NOTCH4: variants seen among roughly 807,000 people sequenced by gnomAD.
The protein encoded by NOTCH4 is neurogenic locus notch homolog protein 4.
NOTCH4 carries 138 observed loss-of-function variants against 189.0 expected under a neutral mutation model. The ratio of observed to expected loss-of-function variants is 0.73; its 90% CI spans 0.64 to 0.84. The LOEUF is 0.84. NOTCH4 is among the 40% of genes least tolerant of loss of function. The probability of loss-of-function intolerance (pLI) is 0.00; values close to 1 mark genes in which losing one functional copy is unlikely to be tolerated. For synonymous variants in NOTCH4, 942 were observed against 1,032.8 expected (o/e 0.91, Z 1.69); for missense variants, 2,286 against 2,605.4 (o/e 0.88, Z 2.67).
Position 32,210,985 on chromosome 6 carries a change from G to A in NOTCH4, c.2681-49C>T, listed in dbSNP as rs1201053798. 1 of 1,515,446 alleles carries A rather than the reference G, an allele frequency of 6.6e-7. No individual in the cohort carries two copies. The highest frequency in any genetic ancestry group is 1.4e-5 in the African/African-American group (1 of 72,080). 93.9% of individuals were successfully genotyped at this position (1,515,446 alleles called of 1,614,324 possible). A position where few individuals can be genotyped will look rare whatever the true frequency, so the allele number is the denominator to read the frequency against. On this transcript the variant is annotated intron_variant, in intron 17 of 29. Coordinates refer to ENST00000375023, the MANE Select transcript of NOTCH4 (RefSeq NM_004557.4). This position sits in a 1 kb window ranked among gnomAD's most constrained non-coding sequence, Gnocchi z 4.8. The stretch of plus-strand genomic sequence containing the variant: ...TATACAAAGATAAGTGGGGGGCCGG[G>A]CGCCATGGCTTACGCCTGTAATCCC...
In NOTCH4 at chr6:32,221,695, C is replaced by T. The variant is rs1156275920; in HGVS notation, c.452-370G>A. ...GTATACCCTTGGGTGAGCCACTTTG[C>T]CTTTCTGATCCTCATTTCCTAATCT... On this transcript the variant is annotated intron_variant, in intron 3 of 29. Coordinates refer to ENST00000375023, the MANE Select transcript of NOTCH4 (RefSeq NM_004557.4). The surrounding 1 kb of genome is among the most constrained non-coding windows in gnomAD (Gnocchi z 4.3). Among the ~76,000 whole-genome samples, 7 of 152,114 alleles carry T rather than the reference C, an allele frequency of 4.6e-5. No homozygotes were observed. Among genetic ancestry groups the T allele is most frequent in the African/African-American group, 1.7e-4 (7 of 41,398 alleles).
chr6:32,217,378 A>T lies in NOTCH4; in HGVS notation c.1625-112T>A. 1.5e-6 allele frequency: 1 copy of T among 687,306 alleles called. No individual in the cohort carries two copies. The highest frequency in any genetic ancestry group is 2.7e-5 in the East Asian group (1 of 37,028). 42.6% of individuals were successfully genotyped at this position (687,306 alleles called of 1,614,324 possible). On this transcript the variant is annotated intron_variant, in intron 9 of 29. Transcript: ENST00000375023. The surrounding 1 kb of genome is among the most constrained non-coding windows in gnomAD (Gnocchi z 4.2). ...ACTTGCAGAGCTTCCCAGAGAAGAC[A>T]CCTGGGGCAGGTGAGCGTGGGGTGA...
intron 13 of NOTCH4, 113 bp downstream of exon 13, chr6:32,213,997 G>A: frequency 7.0e-7 from 1 of 1,430,776 alleles, no homozygotes; most frequent in African/African-American, 1.4e-5. Flanking sequence ...CGTGTCCCCT[G>A]CAGTCCAGTT....
rs766007078 is a variant in NOTCH4, at chr6:32,223,907, GC to G, written c.21del (p.Leu8CysfsTer35). On this transcript the variant is annotated frameshift_variant, in exon 1 of 30. Transcript: ENST00000375023. LOFTEE classifies it high-confidence loss of function. ...AGCAGCAGCAGCAGCAGCAGCAGCA[GC>G]AGCAGTGAAGGGGGCTGCATTCCAC... is the stretch of plus-strand genomic sequence containing the variant. MQPPSL[L>X]LLLLLLLLLC... The G allele has an allele frequency of 6.2e-7, 1 of 1,604,082 alleles. No homozygotes were observed. Among genetic ancestry groups the G allele is most frequent in the Non-Finnish European group, 8.5e-7 (1 of 1,178,502 alleles).
chr6:32,201,485 C>T lies in NOTCH4; in HGVS notation c.3771G>A (p.Gln1257=), dbSNP rs2127466154. The change falls in exon 22 of 30, where the codon CAG becomes CAA. Residue 1257 remains glutamine (Q), a synonymous_variant. Coordinates refer to ENST00000375023, the MANE Select transcript of NOTCH4 (RefSeq NM_004557.4). This position sits in a 1 kb window ranked among gnomAD's most constrained non-coding sequence, Gnocchi z 5.5. ...TPPACTPAYD[Q]YCHDHFHNGH... ...CGTTGTGGAAGTGATCATGGCAGTACTGGTCATAGGCTGGACTGTGGGGTA... is the reference window on the plus strand; with the variant it reads ...CGTTGTGGAAGTGATCATGGCAGTATTGGTCATAGGCTGGACTGTGGGGTA... 1 of 1,512,780 alleles carries T rather than the reference C, an allele frequency of 6.6e-7. No homozygotes were observed. The highest frequency in any genetic ancestry group is 1.3e-5 in the South Asian group (1 of 74,570). 93.7% of individuals were successfully genotyped at this position (1,512,780 alleles called of 1,614,324 possible). A position where few individuals can be genotyped will look rare whatever the true frequency, so the allele number is the denominator to read the frequency against.
At position 32,221,339 on chromosome 6, in the gene NOTCH4, C is replaced by T. The variant is rs1561948886; in HGVS notation, c.452-14G>A. The T allele has an allele frequency of 1.3e-6, 2 of 1,598,878 alleles. No homozygotes were observed. The highest frequency in any genetic ancestry group is 1.7e-6 in the Non-Finnish European group (2 of 1,170,308). ...GGCACTGCTCACCTGAGGCAGAGGA[C>T]AGAGGGAGCCGTTTCTAGCATTGTA... is the stretch of plus-strand genomic sequence containing the variant. On this transcript the variant is annotated splice_polypyrimidine_tract_variant and intron_variant, in intron 3 of 29. Transcript: ENST00000375023. This position sits in a 1 kb window ranked among gnomAD's most constrained non-coding sequence, Gnocchi z 4.3.
At chr6:32,213,029 A>G in intron 15 of NOTCH4, 106 bp downstream of exon 15, 1 of 1,245,974 alleles carries the variant, frequency 8.0e-7, no homozygotes, top group South Asian at 1.3e-5. Flanking sequence ...GGAAGGCGGA[A>G]CGAGGTGTGG....
At chr6:32,219,388 T>C (rs1261870247) in intron 8 of NOTCH4, among the ~76,000 whole-genome samples, 2 of 152,158 alleles carry the variant, frequency 1.3e-5, no homozygotes, top group Admixed American at 1.3e-4. Context: ...AGTTGAGGAA[T>C]GCATAACCTC....
Position 32,223,814 on chromosome 6 carries a change from A to G in NOTCH4, c.73+42T>C, listed in dbSNP as rs747890561. ...CCCCCACCCCACTGATCATCCTCCT[A>G]AGGGAGCTGGGTCCCCTCACCTCAC... is the stretch of plus-strand genomic sequence containing the variant. On this transcript the variant is annotated intron_variant, in intron 1 of 29. Transcript: ENST00000375023. 4 of 1,586,578 alleles carry G rather than the reference A, an allele frequency of 2.5e-6. No individual in the cohort carries two copies. In the African/African-American group the frequency reaches 5.4e-5, roughly 22 times the overall value.
chr6:32,223,968 T>G lies in NOTCH4; in HGVS notation c.-40A>C, dbSNP rs929023884. On this transcript the variant is annotated 5_prime_UTR_variant, in exon 1 of 30. Transcript: ENST00000375023. Reference sequence around the variant, plus strand: ...TCCAAGCCCCGGTCCCTGTCCCTCTTCAGGCAGGGACCCTCAGAGCTCTCA... The same window carrying G: ...TCCAAGCCCCGGTCCCTGTCCCTCTGCAGGCAGGGACCCTCAGAGCTCTCA... The G allele has an allele frequency of 3.2e-6, 5 of 1,562,528 alleles. No individual in the cohort carries two copies. In the African/African-American group the frequency reaches 6.8e-5, roughly 21 times the overall value.
chr6:32,223,331 TC>T (rs1561952090), intron 1 of NOTCH4, among the ~76,000 whole-genome samples: 2 of 151,976 alleles, frequency 1.3e-5, no homozygotes. Flanking sequence ...AGCCTCGGAC[TC>T]CATCTCTCGG....
chr6:32,223,880 ATAG>A lies in NOTCH4; in HGVS notation c.46_48del (p.Leu16del). On this transcript the variant is annotated inframe_deletion, in exon 1 of 30. Coordinates refer to ENST00000375023, the MANE Select transcript of NOTCH4 (RefSeq NM_004557.4). Reference sequence around the variant, plus strand: ...CCTCTGGGTCTGACCACTGAGACACATAGCAGCAGCAGCAGCAGCAGCAGCAGC... The same window carrying A: ...CCTCTGGGTCTGACCACTGAGACACACAGCAGCAGCAGCAGCAGCAGCAGC... 2 of 1,570,546 alleles carry A rather than the reference ATAG, an allele frequency of 1.3e-6. No individual in the cohort carries two copies. The highest frequency in any genetic ancestry group is 2.3e-5 in the East Asian group (1 of 43,466).
Position 32,222,716 on chromosome 6 carries a change from G to A in NOTCH4, c.246C>T (p.Ala82=), listed in dbSNP as rs2127491090. The A allele has an allele frequency of 6.2e-7, 1 of 1,610,194 alleles. No individual in the cohort carries two copies. Among genetic ancestry groups the A allele is most frequent in the Non-Finnish European group, 8.5e-7 (1 of 1,178,756 alleles). ...QLCQNGGSCQ[A]LLPAPLGLPS... ...GGAGCCCTAGGGGAGCGGGAAGCAGGGCTTGGCAGCTGCCTCCATTTTGGC... is the reference window on the plus strand; with the variant it reads ...GGAGCCCTAGGGGAGCGGGAAGCAGAGCTTGGCAGCTGCCTCCATTTTGGC... Residue 82 remains alanine (A), a synonymous_variant, in exon 3 of 30, where the codon GCC becomes GCT. Transcript: ENST00000375023.
Position 32,201,144 on chromosome 6 carries a change from C to T in NOTCH4, c.4112G>A (p.Gly1371Asp). The change falls in exon 22 of 30, where the codon GGC becomes GAC. Residue 1371 changes from glycine (G) to aspartate (D), a missense_variant. Gly to Asp is a moderately conservative substitution (Grantham distance 94). Transcript: ENST00000375023. This position sits in a 1 kb window ranked among gnomAD's most constrained non-coding sequence, Gnocchi z 5.5. ...AGCACTGAGGGAGTCGGTCTCCTTG[C>T]CCAGGGGCTGCGTTTGAGGGGCTGC... ...ERAAPQTQPLGKETDSLSAGF... is the reference protein window; with the variant it reads ...ERAAPQTQPLDKETDSLSAGF... The T allele has an allele frequency of 1.9e-6, 3 of 1,612,006 alleles. No individual in the cohort carries two copies. Among genetic ancestry groups the T allele is most frequent in the Non-Finnish European group, 2.5e-6 (3 of 1,179,392 alleles).
chr6:32,195,848 TC>T lies in NOTCH4; in HGVS notation c.5600del (p.Gly1867GlufsTer18). The T allele has an allele frequency of 6.3e-7, 1 of 1,597,204 alleles. No individual in the cohort carries two copies. The highest frequency in any genetic ancestry group is 1.7e-5 in the Admixed American group (1 of 59,648). On this transcript the variant is annotated frameshift_variant, in exon 30 of 30. Transcript: ENST00000375023. LOFTEE classifies it low-confidence loss of function (END_TRUNC). The surrounding 1 kb of genome is among the most constrained non-coding windows in gnomAD (Gnocchi z 5.4). The stretch of plus-strand genomic sequence containing the variant: ...AAGCTCCGCCCCCACGAGGGCCTGC[TC>T]CGGCTGACAGCGTCCGGCAGCGCGG... ...ALPRCRTLSA[G>X]AGPRGGGACL...
At position 32,201,291 on chromosome 6, in the gene NOTCH4, G is replaced by A. The variant is rs1788336017; in HGVS notation, c.3965C>T (p.Thr1322Ile). ...LFALARVLSL[T>I]LRVGLWVRKD... ...CCTTACCCAGAGTCCTACCCTCAGA[G>A]TCAGGGACAGCACCCGGGCCAGGGC... The change falls in exon 22 of 30, where the codon ACT becomes ATT. Residue 1322 changes from threonine to isoleucine, a missense_variant. This residue lies in a region of NOTCH4 where 1,903 missense variants were observed against 2,261.9 expected (regional missense o/e 0.84). Transcript: ENST00000375023. The surrounding 1 kb of genome is among the most constrained non-coding windows in gnomAD (Gnocchi z 5.5). 9.3e-6 allele frequency: 15 copies of A among 1,613,012 alleles called. No homozygotes were observed. The highest frequency in any genetic ancestry group is 1.3e-5 in the Non-Finnish European group (15 of 1,180,002).
Position 32,210,856 on chromosome 6 carries a change from CA to C in NOTCH4, c.2760del (p.Gly921AspfsTer11). 1 of 1,612,906 alleles carries C rather than the reference CA, an allele frequency of 6.2e-7. No individual in the cohort carries two copies. The highest frequency in any genetic ancestry group is 2.2e-5 in the East Asian group (1 of 44,872). Reference protein sequence around the residue: ...SGPSYFCHCPPGFQGSLCQDH... With the variant: ...SGPSYFCHCPXGFQGSLCQDH... Reference sequence around the variant, plus strand: ...TCCTGGCACAGGCTGCCTTGGAATCCAGGGGGGCAGTGGCAGAAATAGGAGG... The same window carrying C: ...TCCTGGCACAGGCTGCCTTGGAATCCGGGGGGCAGTGGCAGAAATAGGAGG... On this transcript the variant is annotated frameshift_variant, in exon 18 of 30. Transcript: ENST00000375023. LOFTEE classifies it high-confidence loss of function. The surrounding 1 kb of genome is among the most constrained non-coding windows in gnomAD (Gnocchi z 4.8).
At position 32,215,304 on chromosome 6, in the gene NOTCH4, T is replaced by C; in HGVS notation, c.1943A>G (p.Asn648Ser). 1.2e-6 allele frequency: 2 copies of C among 1,608,634 alleles called. No homozygotes were observed. Among genetic ancestry groups the C allele is most frequent in the Non-Finnish European group, 1.7e-6 (2 of 1,178,506 alleles). ...AGGGCTTCCATCAGGACAGAGGCAGTTGGCCTTGTCTTTCTGGTCCTTACA... is the reference window on the plus strand; with the variant it reads ...AGGGCTTCCATCAGGACAGAGGCAGCTGGCCTTGTCTTTCTGGTCCTTACA... Reference protein sequence around the residue: ...QICKDQKDKANCLCPDGSPGC... With the variant: ...QICKDQKDKASCLCPDGSPGC... The change falls in exon 12 of 30, where the codon AAC becomes AGC. Residue 648 changes from asparagine to serine, a missense_variant. By Grantham distance (46) the Asn-to-Ser change is conservative. Transcript: ENST00000375023.
chr6:32,196,205 C>G (rs1482927760), intron 29 of NOTCH4, 55 bp from the exon 30 acceptor site: 1 of 1,601,898 alleles, frequency 6.2e-7, no homozygotes, highest in Admixed American at 1.7e-5. Context: ...CAGGACTGGG[C>G]CTTTCTGCCT....
Sources: gnomAD v4.1 joint callset for allele counts (sites outside exome capture counted in the v4.1 genomes callset) on GRCh38, gnomAD v4.1.1 for gene constraint, gnomAD v4.1.1 regional missense constraint, Gnocchi (gnomAD v3.1) non-coding constraint, MANE v1.5 for transcripts, NCBI Gene and HGNC (gene_info 2026-07-23, HGNC 2026-07-21) for gene names.